Variants in TACC2 observed in about 807,000 individuals in gnomAD.
The protein encoded by TACC2 is transforming acidic coiled-coil-containing protein 2.
In TACC2, 137 loss-of-function variants were observed where a neutral mutation model predicts 227.3. The observed-to-expected ratio is 0.60, with a 90% confidence interval of 0.52 to 0.69. TACC2 has a LOEUF of 0.69. Ranked by LOEUF, TACC2 falls within the 30% of genes least tolerant of loss-of-function variation. The pLI, the probability that TACC2 is intolerant of heterozygous loss-of-function variation, is 0.00. For missense variants in TACC2, 3,470 were observed against 3,694.4 expected, an observed-to-expected ratio of 0.94 and a Z score of 1.57; for synonymous variants, 1,523 against 1,487.5, an observed-to-expected ratio of 1.02 and a Z score of -0.55.
Position 122,088,105 on chromosome 10 carries a change from C to G in TACC2, c.5459+146C>G. On this transcript the variant is annotated intron_variant, in intron 4 of 22. Transcript: ENST00000369005. ...CTAATTGCTAAATGAACCTGCTTAC[C>G]CCCTCTGGATGTCCTGAGGCTCTGA... The G allele has an allele frequency of 3.4e-6, 3 of 888,044 alleles. No homozygotes were observed. The South Asian group carries it at 8.7e-5, about 26-fold the overall frequency. The allele number at this position is 888,044 out of a possible 1,614,324, so 55.0% of individuals were successfully genotyped here.
At chr10:122,145,364 A>G (rs1008002430) in intron 7 of TACC2, among the ~76,000 whole-genome samples, 2 of 151,886 alleles carry the variant, frequency 1.3e-5, no homozygotes, top group African/African-American at 4.8e-5. Context: ...GATTCATGCA[A>G]CTAAATTGAT....
At chr10:122,011,098 C>T (rs1456648149) in intron 1 of TACC2, among the ~76,000 whole-genome samples, 1 of 152,228 alleles carries the variant, frequency 6.6e-6, no homozygotes, top group Non-Finnish European at 1.5e-5. Context: ...GATGGTCCAA[C>T]TAGATTAGCC....
intron 3 of TACC2, among the ~76,000 whole-genome samples, chr10:122,074,578 T>C (rs116443965): frequency 6.4e-4 from 98 of 152,238 alleles, no homozygotes; most frequent in African/African-American, 2.2e-3. Flanking sequence ...TCTTAAGCAG[T>C]CTTTTCAGCT....
chr10:122,248,876 TAGG>T (rs2096189318), intron 20 of TACC2, 73 bp downstream of exon 20: 1 of 1,589,910 alleles, frequency 6.3e-7, no homozygotes, highest in African/African-American at 1.4e-5. Context: ...TGGGAGGGGG[TAGG>T]ATTCCAGAAG....
Position 122,085,007 on chromosome 10 carries a change from A to G in TACC2, c.2507A>G (p.Gln836Arg). The change falls in exon 4 of 23, where the codon CAA (glutamine) becomes CGA (arginine). Residue 836 changes from glutamine (Q) to arginine (R), a missense_variant. Gln to Arg is a conservative substitution (Grantham distance 43). Coordinates refer to ENST00000369005, the MANE Select transcript of TACC2 (RefSeq NM_206862.4). ...AAGCATCTCCAGCCATCCCAGGCAC[A>G]ACCAGAGACATCCATCTTTGACGTG... ...SEKHLQPSQA[Q>R]PETSIFDVLK... The G allele has an allele frequency of 2.5e-6, 4 of 1,614,196 alleles. No homozygotes were observed. Among genetic ancestry groups the G allele is most frequent in the Non-Finnish European group, 3.4e-6 (4 of 1,180,030 alleles).
At chr10:122,032,970 CAA>C (rs754540614) in intron 2 of TACC2, 7 of 440,276 alleles carry the variant, frequency 1.6e-5, no homozygotes, top group South Asian at 1.2e-4. Flanking sequence ...AACAAAACAA[CAA>C]AACAACAACA....
chr10:122,040,749 C>CA (rs2074153543), intron 2 of TACC2, among the ~76,000 whole-genome samples: 1 of 152,098 alleles, frequency 6.6e-6, no homozygotes, highest in Admixed American at 6.5e-5. Context: ...TAACAAGTCC[C>CA]AAAAAACATA....
At position 122,210,966 on chromosome 10, in the gene TACC2, G is replaced by C; in HGVS notation, c.6541G>C (p.Glu2181Gln). 1 of 1,614,016 alleles carries C rather than the reference G, an allele frequency of 6.2e-7. No individual in the cohort carries two copies. Among genetic ancestry groups the C allele is most frequent in the Non-Finnish European group, 8.5e-7 (1 of 1,179,956 alleles). ...GACGAAAACGGAATCTGCCAAGACGGAAGGTCCTAGCCCAGCCTTATTGGA... is the reference window on the plus strand; with the variant it reads ...GACGAAAACGGAATCTGCCAAGACGCAAGGTCCTAGCCCAGCCTTATTGGA... ...SETKTESAKT[E>Q]GPSPALLEET... The change falls in exon 9 of 23, where the codon GAA (glutamate) becomes CAA (glutamine). Residue 2181 changes from glutamate (E) to glutamine (Q), a missense_variant. By Grantham distance (29) the Glu-to-Gln change is conservative. Around this residue, in one of 10 missense-constraint regions of TACC2, gnomAD observed 593 missense variants for 636.6 expected, o/e 0.93. Transcript: ENST00000369005. The surrounding 1 kb of genome is among the most constrained non-coding windows in gnomAD (Gnocchi z 4.6).
At chr10:122,003,064 A>G (rs988059182) in intron 1 of TACC2, among the ~76,000 whole-genome samples, 8 of 152,216 alleles carry the variant, frequency 5.3e-5, no homozygotes, top group Admixed American at 2.6e-4. Context: ...TTAGCCAGAC[A>G]TAGTGGTGGG....
rs772452609 is a variant in TACC2 at position 122,086,226 on chromosome 10, T to A, written c.3726T>A (p.Ser1242Arg). 1 of 1,613,906 alleles carries A rather than the reference T, an allele frequency of 6.2e-7. No homozygotes were observed. The highest frequency in any genetic ancestry group is 1.1e-5 in the South Asian group (1 of 91,084). ...APDTPYLHVDSAAQRGAEDSG... is the reference protein window; with the variant it reads ...APDTPYLHVDRAAQRGAEDSG... Reference sequence around the variant, plus strand: ...ACACCCCTTACCTGCATGTCGACAGTGCTGCCCAGAGAGGAGCAGAAGACA... The same window carrying A: ...ACACCCCTTACCTGCATGTCGACAGAGCTGCCCAGAGAGGAGCAGAAGACA... Residue 1242 changes from serine (S) to arginine (R), a missense_variant, in exon 4 of 23, where the codon AGT (serine) becomes AGA (arginine). Coordinates refer to ENST00000369005, the MANE Select transcript of TACC2 (RefSeq NM_206862.4).
chr10:122,121,012 G>A (rs1253836849), intron 5 of TACC2, among the ~76,000 whole-genome samples: 1 of 152,032 alleles, frequency 6.6e-6, no homozygotes, highest in Non-Finnish European at 1.5e-5. Flanking sequence ...TGCCCTCCTT[G>A]GGCTCCCAAA....
chr10:122,107,310 G>A (rs1388213953), intron 5 of TACC2, among the ~76,000 whole-genome samples: 2 of 151,988 alleles, frequency 1.3e-5, no homozygotes, highest in African/African-American at 4.8e-5. Context: ...CGAGGCGCGT[G>A]GATCACTTGA....
At chr10:122,004,383 G>A (rs112969249) in intron 1 of TACC2, among the ~76,000 whole-genome samples, 11,017 of 146,890 alleles carry the variant, frequency 0.075, 676 homozygotes, top group East Asian at 0.31. Flanking sequence ...GGGCGACAGA[G>A]CGAGACTCTG....
chr10:122,162,919 G>A (rs901264697), intron 7 of TACC2, among the ~76,000 whole-genome samples: 1 of 152,074 alleles, frequency 6.6e-6, no homozygotes, highest in African/African-American at 2.4e-5. Context: ...GCTTGTTTAG[G>A]GTGAGCCTTT....
At chr10:122,195,388 G>C (rs1453784351) in intron 8 of TACC2, among the ~76,000 whole-genome samples, 2 of 144,868 alleles carry the variant, frequency 1.4e-5, no homozygotes, top group African/African-American at 5.8e-5. Flanking sequence ...CAGAATTTTA[G>C]GGGGGGCCTC....
At chr10:122,075,625 G>T (rs780452525) in intron 3 of TACC2, among the ~76,000 whole-genome samples, 1 of 152,164 alleles carries the variant, frequency 6.6e-6, no homozygotes, top group Non-Finnish European at 1.5e-5. Flanking sequence ...AATGTGGGGA[G>T]CTGGGGATCA....
intron 1 of TACC2, among the ~76,000 whole-genome samples, chr10:122,010,955 T>A (rs1164913921): frequency 6.6e-6 from 1 of 152,186 alleles, no homozygotes; most frequent in Non-Finnish European, 1.5e-5. Flanking sequence ...TGTGTCGGTG[T>A]TCAGCTGTGG....
chr10:122,136,284 C>T (rs934445000), intron 6 of TACC2, among the ~76,000 whole-genome samples: 10 of 152,120 alleles, frequency 6.6e-5, no homozygotes, highest in South Asian at 2.1e-4. Flanking sequence ...AGAAACTAAG[C>T]GGGCGTCCTA....
chr10:122,241,724 G>A, intron 18 of TACC2: 1 of 582,464 alleles, frequency 1.7e-6, no homozygotes, highest in Non-Finnish European at 3.1e-6. Context: ...CACTCTACCT[G>A]GTTTGATTTT....
Sources: gnomAD v4.1 joint callset for allele counts (sites outside exome capture counted in the v4.1 genomes callset) on GRCh38, gnomAD v4.1.1 for gene constraint, gnomAD v4.1.1 regional missense constraint, Gnocchi (gnomAD v3.1) non-coding constraint, MANE v1.5 for transcripts, NCBI Gene and HGNC (gene_info 2026-07-23, HGNC 2026-07-21) for gene names.